The following FBXL13 variants were observed in gnomAD, a reference collection of about 807,000 sequenced individuals.
The protein encoded by FBXL13 is F-box and leucine rich repeat protein 13.
Under a neutral mutation model 83.6 loss-of-function variants are expected in FBXL13, and 67 were observed. The observed-to-expected ratio is 0.80, with a 90% CI of 0.66 to 0.98. The LOEUF (loss-of-function observed/expected upper bound fraction) is 0.98, where lower values mean the gene tolerates loss of function less well. Ranked by LOEUF, FBXL13 falls within the 50% of genes least tolerant of loss-of-function variation. FBXL13 has a pLI of 0.00. For synonymous variants in FBXL13, 272 were observed against 299.5 expected, an observed-to-expected ratio of 0.91 and a Z score of 0.95; for missense variants, 822 against 866.5, an observed-to-expected ratio of 0.95 and a Z score of 0.64.
intron 19 of FBXL13, among the ~76,000 whole-genome samples, chr7:102,815,889 G>C (rs1797933623): frequency 6.6e-6 from 1 of 152,102 alleles, no homozygotes; most frequent in African/African-American, 2.4e-5. Flanking sequence ...AGTAGTGGGG[G>C]TTTGAGAAAA....
chr7:103,016,225 C>T (rs918100167), intron 6 of FBXL13, among the ~76,000 whole-genome samples: 4 of 147,890 alleles, frequency 2.7e-5, no homozygotes, highest in Admixed American at 7.0e-5. Context: ...GTGAAAAGAA[C>T]AATGCTGGAG....
At chr7:102,974,347 AC>A (rs1009359360) in intron 6 of FBXL13, among the ~76,000 whole-genome samples, 11 of 152,242 alleles carry the variant, frequency 7.2e-5, no homozygotes, top group African/African-American at 2.4e-4. Flanking sequence ...CCAAGATCAC[AC>A]CACTGCACTC....
At chr7:103,003,278 GTTTTTTTTTTTT>G (rs563726626) in intron 6 of FBXL13, among the ~76,000 whole-genome samples, 2 of 75,916 alleles carry the variant, frequency 2.6e-5, no homozygotes, top group African/African-American at 6.5e-5. Context: ...TTGTTTTGGG[GTTTTTTTTTTTT>G]TTTTTTTTTT....
chr7:102,990,109 T>C (rs1829405570), intron 6 of FBXL13, among the ~76,000 whole-genome samples: 1 of 152,214 alleles, frequency 6.6e-6, no homozygotes, highest in Non-Finnish European at 1.5e-5. Flanking sequence ...AATGTCCTTA[T>C]CATGATTCCA....
At chr7:103,014,643 G>A (rs1792035286) in intron 6 of FBXL13, among the ~76,000 whole-genome samples, 1 of 151,978 alleles carries the variant, frequency 6.6e-6, no homozygotes, top group Admixed American at 6.5e-5. Context: ...AGCAAACTGG[G>A]CCGGGCGCGG....
chr7:102,992,425 C>T (rs75363149), intron 6 of FBXL13, among the ~76,000 whole-genome samples: 3,045 of 152,266 alleles, frequency 0.02, 90 homozygotes, highest in African/African-American at 0.07. Flanking sequence ...GTGACAGAAG[C>T]GGCCACCCAG....
chr7:102,932,042 C>T, intron 8 of FBXL13, 109 bp from the exon 10 acceptor site: 2 of 1,033,500 alleles, frequency 1.9e-6, no homozygotes, highest in South Asian at 3.4e-5. Flanking sequence ...AAACAAAAAC[C>T]TTGGCAAGTA....
rs374403204 is a variant in FBXL13 at position 102,877,448 on chromosome 7, C to G, written c.1635+19G>C. 1 of 1,552,434 alleles carries G rather than the reference C, an allele frequency of 6.4e-7. No homozygotes were observed. Among genetic ancestry groups the G allele is most frequent in the Non-Finnish European group, 8.7e-7 (1 of 1,151,082 alleles). The stretch of plus-strand genomic sequence containing the variant: ...ATAGAAAACAATAAAAGTCATTGTA[C>G]TGTTTTGAATTTTTTTACCTCATTA... On this transcript the variant is annotated intron_variant, in intron 16 of 19. Coordinates refer to ENST00000313221, the Ensembl canonical transcript of FBXL13.
chr7:103,074,249 G>A (rs1799389961), exon 1 of FBXL13: 2 of 998,134 alleles, frequency 2.0e-6, no homozygotes, highest in South Asian at 8.7e-5. Flanking sequence ...GGCTCACCTT[G>A]GGCAGAATCC....
intron 6 of FBXL13, among the ~76,000 whole-genome samples, chr7:102,976,730 C>T (rs1472969752): frequency 6.6e-6 from 1 of 152,160 alleles, no homozygotes; most frequent in Non-Finnish European, 1.5e-5. Flanking sequence ...TCTCACAGGC[C>T]TAACGCCTAT....
In FBXL13 at chr7:103,045,554, G is replaced by A. The variant is rs76732089; in HGVS notation, c.-1+10090C>T. ...GCAAAGGTAAAAACAAGTATGAGTA[G>A]AGGGACCCTTTATGGGTACCTCTTT... On this transcript the variant is annotated intron_variant, in intron 2 of 19. Coordinates refer to ENST00000313221, the Ensembl canonical transcript of FBXL13. 2.6e-3 allele frequency among the ~76,000 whole-genome samples: 400 copies of A among 152,314 alleles called. 14 individuals are homozygous for A. In the East Asian group the frequency reaches 0.062, roughly 23 times the overall value.
chr7:103,069,714 C>T (rs1213696023), intron 1 of FBXL13, among the ~76,000 whole-genome samples: 1 of 152,238 alleles, frequency 6.6e-6, no homozygotes, highest in Non-Finnish European at 1.5e-5. Context: ...CGAACCTTTG[C>T]TGGCGAAAGA....
intron 7 of FBXL13, 46 bp downstream of exon 8, chr7:102,967,976 C>T: frequency 1.4e-6 from 2 of 1,451,536 alleles, no homozygotes; most frequent in Non-Finnish European, 1.9e-6. Context: ...GTCCATTCTC[C>T]TTTAAGAACT....
intron 17 of FBXL13, among the ~76,000 whole-genome samples, chr7:102,844,582 G>T (rs1803598608): frequency 6.6e-6 from 1 of 152,070 alleles, no homozygotes; most frequent in South Asian, 2.1e-4. Context: ...TAAAAAAACT[G>T]TTTTTTTCTC....
intron 18 of FBXL13, 105 bp from the exon 20 acceptor site, chr7:102,822,308 G>GTA: frequency 9.5e-7 from 1 of 1,053,192 alleles, no homozygotes; most frequent in Non-Finnish European, 1.5e-6. Context: ...ACAGACTGTG[G>GTA]CTTAAACATC....
chr7:102,934,649 G>C (rs1819941491), intron 8 of FBXL13: 2 of 1,604,680 alleles, frequency 1.2e-6, no homozygotes, highest in Non-Finnish European at 1.7e-6. Flanking sequence ...CCACAATTAT[G>C]TGTTTCCCAT....
Position 102,854,739 on chromosome 7 carries a change from A to C in FBXL13, c.1719+38T>G. 3.1e-6 allele frequency: 4 copies of C among 1,302,850 alleles called. No individual in the cohort carries two copies. In the African/African-American group the frequency reaches 6.1e-5, roughly 20 times the overall value. The allele number at this position is 1,302,850 out of a possible 1,614,324, so 80.7% of individuals were successfully genotyped here. On this transcript the variant is annotated intron_variant, in intron 17 of 19. Transcript: ENST00000313221. ...AAAAAAAGAAAAAAAGAAAAATTTC[A>C]ATCTTAATTCTTTAACAGATGATCT... is the stretch of plus-strand genomic sequence containing the variant.
rs1165997618 is a variant in FBXL13 at position 103,055,756 on chromosome 7, A to C, written c.-104-9T>G. ...ATACCACATAACAGTGCCTAGGGGAAAAAAGGGAAATGGCATCAATGTTTC... is the reference window on the plus strand; with the variant it reads ...ATACCACATAACAGTGCCTAGGGGACAAAAGGGAAATGGCATCAATGTTTC... On this transcript the variant is annotated splice_polypyrimidine_tract_variant and intron_variant, in intron 1 of 19. Coordinates refer to ENST00000313221, the Ensembl canonical transcript of FBXL13. 1.7e-6 allele frequency: 2 copies of C among 1,185,216 alleles called. No individual in the cohort carries two copies. Among genetic ancestry groups the C allele is most frequent in the East Asian group, 1.2e-4 (2 of 16,932 alleles). 73.4% of individuals were successfully genotyped at this position (1,185,216 alleles called of 1,614,324 possible). A position where few individuals can be genotyped will look rare whatever the true frequency, so the allele number is the denominator to read the frequency against.
At chr7:102,894,848 A>G (rs2129461958) in intron 11 of FBXL13, among the ~76,000 whole-genome samples, 1 of 152,320 alleles carries the variant, frequency 6.6e-6, no homozygotes, top group South Asian at 2.1e-4. Flanking sequence ...CTTACCAAGA[A>G]AAGAGATCAT....
Sources: gnomAD v4.1 joint callset for allele counts (sites outside exome capture counted in the v4.1 genomes callset) on GRCh38, gnomAD v4.1.1 for gene constraint, MANE v1.5 for transcripts, NCBI Gene and HGNC (gene_info 2026-07-23, HGNC 2026-07-21) for gene names.